Variants in CCDC83 observed in about 807,000 individuals in gnomAD.
CCDC83 encodes the protein coiled-coil domain containing 83.
A neutral mutation model predicts 50.1 loss-of-function variants in CCDC83; 54 were observed. That is an observed-to-expected ratio of 1.08 (90% CI 0.87 to 1.35). The LOEUF (loss-of-function observed/expected upper bound fraction) is 1.35. Among genes scored for constraint, CCDC83 ranks in the 40% most tolerant of loss-of-function variants. The probability of loss-of-function intolerance (pLI) is 0.00; values close to 1 mark genes in which losing one functional copy is unlikely to be tolerated. For synonymous variants in CCDC83, 161 were observed against 153.3 expected, an observed-to-expected ratio of 1.05 and a Z score of -0.37; for missense variants, 518 against 473.9, an observed-to-expected ratio of 1.09 and a Z score of -0.86.
chr11:85,917,286 GGAAA>G (rs1009451977), intron 10 of CCDC83, among the ~76,000 whole-genome samples: 5 of 131,026 alleles, frequency 3.8e-5, no homozygotes, highest in African/African-American at 5.3e-5. Flanking sequence ...AAAGAAGGAA[GGAAA>G]GAAAGAAAGA....
At chr11:85,871,767 C>T (rs773199335) in intron 2 of CCDC83, among the ~76,000 whole-genome samples, 11 of 152,076 alleles carry the variant, frequency 7.2e-5, no homozygotes, top group Non-Finnish European at 1.2e-4. Context: ...CAGAGTTTCT[C>T]ATTCTTTAAC....
At chr11:85,881,227 G>C (rs1401558436) in intron 3 of CCDC83, among the ~76,000 whole-genome samples, 1 of 151,930 alleles carries the variant, frequency 6.6e-6, no homozygotes, top group African/African-American at 2.4e-5. Flanking sequence ...AAAAAAATTA[G>C]CCAGGTATGG....
intron 2 of CCDC83, among the ~76,000 whole-genome samples, chr11:85,871,028 G>A (rs1250474054): frequency 6.6e-6 from 1 of 152,154 alleles, no homozygotes; most frequent in African/African-American, 2.4e-5. Context: ...TTAGCTGGGT[G>A]TGGTGGCGTG....
At chr11:85,873,127 T>C in intron 2 of CCDC83, 84 bp from the exon 3 acceptor site, 1 of 612,420 alleles carries the variant, frequency 1.6e-6, no homozygotes, top group African/African-American at 1.9e-5. Context: ...ATACATTTAA[T>C]AATTCACTTC....
chr11:85,919,569 G>C lies in CCDC83; in HGVS notation c.*59G>C. 7.8e-7 allele frequency: 1 copy of C among 1,279,962 alleles called. No individual in the cohort carries two copies. Among genetic ancestry groups the C allele is most frequent in the Non-Finnish European group, 1.1e-6 (1 of 909,444 alleles). 79.3% of individuals were successfully genotyped at this position (1,279,962 alleles called of 1,614,324 possible). A position where few individuals can be genotyped will look rare whatever the true frequency, so the allele number is the denominator to read the frequency against. On this transcript the variant is annotated 3_prime_UTR_variant, in exon 11 of 11. Coordinates refer to ENST00000342404, the MANE Select transcript of CCDC83 (RefSeq NM_001286159.2). ...TTATAAATGTTCTTTGGGAACTGAA[G>C]TATATCCGTTGCCCATTTTACTTAC...
intron 3 of CCDC83, among the ~76,000 whole-genome samples, chr11:85,874,794 C>T (rs538356542): frequency 3.9e-5 from 6 of 152,112 alleles, no homozygotes; most frequent in Admixed American, 2.6e-4. Context: ...TAAACTTTAC[C>T]TCTCATCTCT....
At chr11:85,878,622 A>T (rs780527516) in intron 3 of CCDC83, among the ~76,000 whole-genome samples, 41 of 152,224 alleles carry the variant, frequency 2.7e-4, no homozygotes, top group Non-Finnish European at 4.7e-4. Flanking sequence ...GACATTTTAC[A>T]TAAAGCTAAT....
At chr11:85,869,805 G>A (rs552757007) in intron 2 of CCDC83, among the ~76,000 whole-genome samples, 96 of 152,346 alleles carry the variant, frequency 6.3e-4, no homozygotes, top group African/African-American at 2.3e-3. Flanking sequence ...TAATAGTGTT[G>A]AGTTCTGAAG....
intron 1 of CCDC83, among the ~76,000 whole-genome samples, chr11:85,860,345 T>C (rs992917107): frequency 2.1e-5 from 3 of 141,190 alleles, no homozygotes; most frequent in Non-Finnish European, 3.1e-5. Flanking sequence ...CATGAACAGA[T>C]ACTTTTCAAA....
chr11:85,919,385 A>G lies in CCDC83; in HGVS notation c.1117A>G (p.Met373Val), dbSNP rs1338664199. ...CTTGGGCCCCCTGGGAGTGAAGCTTATGAGTGTGGAGAGCAAGAAAATGCC... is the reference window on the plus strand; with the variant it reads ...CTTGGGCCCCCTGGGAGTGAAGCTTGTGAGTGTGGAGAGCAAGAAAATGCC... ...VNLGPLGVKLMSVESKKMPIH... is the reference protein window; with the variant it reads ...VNLGPLGVKLVSVESKKMPIH... The change falls in exon 11 of 11, where the codon ATG (methionine) becomes GTG (valine). Residue 373 changes from methionine to valine, a missense_variant. Met to Val is a conservative substitution (Grantham distance 21). Coordinates refer to ENST00000342404, the MANE Select transcript of CCDC83 (RefSeq NM_001286159.2). 3.1e-6 allele frequency: 5 copies of G among 1,613,028 alleles called. No homozygotes were observed. In the Admixed American group the frequency reaches 5.0e-5, roughly 16 times the overall value.
chr11:85,866,536 C>G (rs1012743588), intron 2 of CCDC83, among the ~76,000 whole-genome samples: 7 of 151,746 alleles, frequency 4.6e-5, no homozygotes, highest in Non-Finnish European at 8.8e-5. Context: ...AAAATTAGTC[C>G]CTGCTATTTA....
chr11:85,907,423 G>C (rs539676596), intron 7 of CCDC83, among the ~76,000 whole-genome samples: 13 of 152,248 alleles, frequency 8.5e-5, no homozygotes, highest in African/African-American at 2.9e-4. Flanking sequence ...GGGAATCAAG[G>C]AAATTACCAT....
At chr11:85,918,949 CAT>C (rs1464490676) in intron 10 of CCDC83, among the ~76,000 whole-genome samples, 3 of 152,230 alleles carry the variant, frequency 2.0e-5, no homozygotes, top group Admixed American at 6.5e-5. Flanking sequence ...CAGTTGCTTA[CAT>C]GACTCAGCTT....
intron 7 of CCDC83, among the ~76,000 whole-genome samples, chr11:85,908,380 G>A (rs972094486): frequency 1.5e-4 from 23 of 151,866 alleles, no homozygotes; most frequent in South Asian, 6.2e-4. Flanking sequence ...ATGAAACCCC[G>A]TCTCTACTAA....
At chr11:85,887,821 G>A (rs1466461214) in intron 5 of CCDC83, among the ~76,000 whole-genome samples, 6 of 64,528 alleles carry the variant, frequency 9.3e-5, no homozygotes, top group Admixed American at 2.0e-4. Flanking sequence ...TTTTTTTTTC[G>A]AGACACGGTC....
chr11:85,863,929 G>A (rs1323312358), intron 1 of CCDC83, among the ~76,000 whole-genome samples: 1 of 152,214 alleles, frequency 6.6e-6, no homozygotes, highest in Non-Finnish European at 1.5e-5. Context: ...CAGACACTAT[G>A]CTAGGTGCTT....
intron 5 of CCDC83, among the ~76,000 whole-genome samples, chr11:85,892,461 G>A (rs1293540945): frequency 3.9e-5 from 6 of 152,076 alleles, no homozygotes; most frequent in Non-Finnish European, 7.4e-5. Context: ...GAAGAAAAAC[G>A]GTCCATACAC....
chr11:85,876,009 C>T (rs2093267124), intron 3 of CCDC83, among the ~76,000 whole-genome samples: 1 of 152,180 alleles, frequency 6.6e-6, no homozygotes, highest in South Asian at 2.1e-4. Context: ...GTCCAATAGA[C>T]TCTTTTTAGT....
intron 9 of CCDC83, among the ~76,000 whole-genome samples, chr11:85,915,816 C>T (rs2093474876): frequency 6.6e-6 from 1 of 152,142 alleles, no homozygotes; most frequent in African/African-American, 2.4e-5. Context: ...TATACTTAGG[C>T]ACCAATATAA....
Sources: allele counts gnomAD v4.1 joint callset (sites outside exome capture counted in the v4.1 genomes callset), GRCh38; gene constraint gnomAD v4.1.1; transcripts MANE v1.5; gene names NCBI Gene and HGNC (gene_info 2026-07-23, HGNC 2026-07-21).